Variants in SLC14A2 observed in about 807,000 individuals in gnomAD.
SLC14A2 encodes solute carrier family 14 member 2.
SLC14A2 carries 91 observed loss-of-function variants against 104.6 expected under a neutral mutation model. That is an observed-to-expected ratio of 0.87 (90% CI 0.73 to 1.04). SLC14A2 has a LOEUF of 1.04. SLC14A2 is among the 50% of genes least tolerant of loss of function. The probability of loss-of-function intolerance (pLI) is 0.00; values close to 1 mark genes in which losing one functional copy is unlikely to be tolerated. For missense variants in SLC14A2, 1,189 were observed against 1,156.0 expected, an observed-to-expected ratio of 1.03 and a Z score of -0.41; for synonymous variants, 476 against 466.4, an observed-to-expected ratio of 1.02 and a Z score of -0.27.
chr18:45,475,130 T>C (rs775578034), intron 1 of SLC14A2, among the ~76,000 whole-genome samples: 3 of 152,250 alleles, frequency 2.0e-5, no homozygotes, highest in Non-Finnish European at 4.4e-5. Context: ...TTAATTTCGT[T>C]ATGTACCCAG....
chr18:45,415,228 TA>T (rs1264845690), intron 1 of SLC14A2, among the ~76,000 whole-genome samples: 5 of 152,142 alleles, frequency 3.3e-5, no homozygotes, highest in Non-Finnish European at 7.4e-5. Flanking sequence ...TGCAGACTAG[TA>T]AAGAAACATG....
intron 14 of SLC14A2, 148 bp from the exon 15 acceptor site, chr18:45,668,201 G>A (rs1321163108): frequency 8.6e-7 from 1 of 1,167,032 alleles, no homozygotes; most frequent in East Asian, 2.4e-5. Flanking sequence ...AGGATTCATA[G>A]GGTTGTCTTC....
intron 1 of SLC14A2, among the ~76,000 whole-genome samples, chr18:45,223,254 C>T (rs2084080831): frequency 6.6e-6 from 1 of 152,100 alleles, no homozygotes. Flanking sequence ...TGGGAGCTCA[C>T]AATCACTGCG....
chr18:45,348,610 T>C (rs550429975), intron 1 of SLC14A2, among the ~76,000 whole-genome samples: 2 of 152,352 alleles, frequency 1.3e-5, no homozygotes, highest in South Asian at 2.1e-4. Flanking sequence ...AACAGTCTTA[T>C]TTAACAGATG....
intron 1 of SLC14A2, among the ~76,000 whole-genome samples, chr18:45,340,053 G>T (rs1242245555): frequency 6.6e-6 from 1 of 152,158 alleles, no homozygotes; most frequent in Non-Finnish European, 1.5e-5. Context: ...AAGAGTCCTG[G>T]GTGGCTTGGT....
intron 1 of SLC14A2, among the ~76,000 whole-genome samples, chr18:45,311,287 G>GCATACTTAGC (rs2085076330): frequency 6.6e-6 from 1 of 152,170 alleles, no homozygotes; most frequent in East Asian, 1.9e-4. Flanking sequence ...AATCATATCA[G>GCATACTTAGC]CATACTTAGC....
intron 1 of SLC14A2, among the ~76,000 whole-genome samples, chr18:45,450,642 C>T (rs757710269): frequency 6.6e-5 from 10 of 152,194 alleles, no homozygotes; most frequent in Admixed American, 3.3e-4. Context: ...GATAACATCA[C>T]GCCCTCTGAA....
intron 1 of SLC14A2, among the ~76,000 whole-genome samples, chr18:45,407,195 G>T (rs1318490699): frequency 6.6e-6 from 1 of 152,098 alleles, no homozygotes; most frequent in Non-Finnish European, 1.5e-5. Context: ...AATGATCTTG[G>T]CTAGATCTTC....
intron 2 of SLC14A2, among the ~76,000 whole-genome samples, chr18:45,500,593 A>AAG (rs1555697411): frequency 0.095 from 13,794 of 145,360 alleles, 906 homozygotes; most frequent in Non-Finnish European, 0.13. Context: ...AAAAAAAAAA[A>AAG]AAAGAAATCC....
intron 1 of SLC14A2, among the ~76,000 whole-genome samples, chr18:45,225,653 C>T (rs2144006018): frequency 6.6e-6 from 1 of 152,210 alleles, no homozygotes. Flanking sequence ...TTGTTTGTGT[C>T]CTCTTTTATT....
chr18:45,531,601 T>C (rs1183469584), intron 2 of SLC14A2, among the ~76,000 whole-genome samples: 1 of 152,136 alleles, frequency 6.6e-6, no homozygotes, highest in Non-Finnish European at 1.5e-5. Context: ...TGGATATTAG[T>C]CCTTTGTCAG....
intron 2 of SLC14A2, among the ~76,000 whole-genome samples, chr18:45,512,726 G>A (rs148432500): frequency 6.6e-6 from 1 of 152,140 alleles, no homozygotes; most frequent in Admixed American, 6.5e-5. Context: ...AGTCTGGTGA[G>A]GGCACAAGAT....
At chr18:45,227,040 G>A (rs767342416) in intron 1 of SLC14A2, among the ~76,000 whole-genome samples, 21 of 152,164 alleles carry the variant, frequency 1.4e-4, no homozygotes, top group Non-Finnish European at 2.6e-4. Context: ...TGTATTCAAG[G>A]CAGGAAGAAG....
intron 5 of SLC14A2, among the ~76,000 whole-genome samples, chr18:45,636,599 C>T (rs2045420241): frequency 6.6e-6 from 1 of 152,174 alleles, no homozygotes; most frequent in Non-Finnish European, 1.5e-5. Context: ...GAGCCTTGAA[C>T]AATAGTCATT....
intron 2 of SLC14A2, among the ~76,000 whole-genome samples, chr18:45,608,947 A>AT (rs2144440820): frequency 6.6e-6 from 1 of 152,186 alleles, no homozygotes; most frequent in East Asian, 1.9e-4. Flanking sequence ...TGTCTATTTC[A>AT]AAGTCTAGCT....
At chr18:45,354,001 C>G (rs959948239) in intron 1 of SLC14A2, among the ~76,000 whole-genome samples, 2 of 152,274 alleles carry the variant, frequency 1.3e-5, no homozygotes, top group African/African-American at 4.8e-5. Context: ...TGTTTGTGCT[C>G]TCCCTTCACC....
intron 2 of SLC14A2, among the ~76,000 whole-genome samples, chr18:45,571,165 G>A (rs1054309612): frequency 4.6e-5 from 7 of 152,186 alleles, no homozygotes; most frequent in Non-Finnish European, 8.8e-5. Flanking sequence ...CAGTACTGTA[G>A]ATGAATAAAT....
At chr18:45,218,140 G>A (rs2084027644) in intron 1 of SLC14A2, among the ~76,000 whole-genome samples, 1 of 152,206 alleles carries the variant, frequency 6.6e-6, no homozygotes, top group Admixed American at 6.5e-5. Flanking sequence ...TCATCCCCCC[G>A]AAGTGAAACT....
the SLC14A2 span, among the ~76,000 whole-genome samples, chr18:45,173,607 G>A: frequency 3.3e-5 from 5 of 152,076 alleles, no homozygotes; most frequent in Non-Finnish European, 5.9e-5. Context: ...CTAGTGAAGA[G>A]GCCAATAAGT....
Sources: gnomAD v4.1 joint callset for allele counts (sites outside exome capture counted in the v4.1 genomes callset) on GRCh38, gnomAD v4.1.1 for gene constraint, MANE v1.5 for transcripts, NCBI Gene and HGNC (gene_info 2026-07-23, HGNC 2026-07-21) for gene names.